ADGRV1: variants seen among roughly 807,000 people sequenced by gnomAD.
ADGRV1 encodes G-protein coupled receptor 98.
ADGRV1 carries 359 observed loss-of-function variants against 596.2 expected under a neutral mutation model. That is an observed-to-expected ratio of 0.60 (90% CI 0.55 to 0.66). The LOEUF (loss-of-function observed/expected upper bound fraction) is 0.66. ADGRV1 is among the 30% of genes least tolerant of loss of function. ADGRV1 has a pLI of 0.00. For synonymous variants in ADGRV1, 2,681 were observed against 2,679.2 expected (o/e 1.00, Z -0.02); for missense variants, 7,274 against 7,575.6 (o/e 0.96, Z 1.48).
chr5:91,150,532 C>A (rs1227159418), intron 88 of ADGRV1, among the ~76,000 whole-genome samples: 1 of 152,186 alleles, frequency 6.6e-6, no homozygotes, highest in African/African-American at 2.4e-5. Flanking sequence ...TTTGACATTT[C>A]TTTCTTCAGA....
At chr5:90,784,189 C>G in intron 67 of ADGRV1, 132 bp downstream of exon 67, 1 of 632,618 alleles carries the variant, frequency 1.6e-6, no homozygotes, top group African/African-American at 1.8e-5. Flanking sequence ...TGTATGTGTA[C>G]AGCAGCTTTT....
At chr5:90,937,621 C>A (rs932345916) in intron 83 of ADGRV1, among the ~76,000 whole-genome samples, 3 of 152,096 alleles carry the variant, frequency 2.0e-5, no homozygotes, top group African/African-American at 7.2e-5. Context: ...CCACGCCCAG[C>A]TAATTTTTTG....
At chr5:90,810,161 A>G in intron 73 of ADGRV1, 72 bp from the exon 74 acceptor site, 1 of 1,219,018 alleles carries the variant, frequency 8.2e-7, no homozygotes, top group Non-Finnish European at 1.1e-6. Flanking sequence ...AAATATGTGA[A>G]TGATGAATCT....
At chr5:91,088,594 A>G (rs983733984) in intron 86 of ADGRV1, among the ~76,000 whole-genome samples, 2 of 152,114 alleles carry the variant, frequency 1.3e-5, no homozygotes, top group African/African-American at 4.8e-5. Flanking sequence ...TTAATGTCAA[A>G]CTCATAGTAC....
intron 85 of ADGRV1, among the ~76,000 whole-genome samples, chr5:90,986,843 G>C (rs901761314): frequency 6.6e-6 from 1 of 152,104 alleles, no homozygotes; most frequent in African/African-American, 2.4e-5. Flanking sequence ...CATTCTTTGT[G>C]ATATGCAAAG....
At chr5:90,810,086 T>C in intron 73 of ADGRV1, 147 bp from the exon 74 acceptor site, 1 of 657,186 alleles carries the variant, frequency 1.5e-6, no homozygotes, top group Non-Finnish European at 2.5e-6. Context: ...TATCAATAAA[T>C]AGGGTTTGAT....
intron 1 of ADGRV1, among the ~76,000 whole-genome samples, chr5:90,586,136 T>A (rs1308239617): frequency 6.6e-6 from 1 of 152,184 alleles, no homozygotes; most frequent in African/African-American, 2.4e-5. Flanking sequence ...CTTTCCAACA[T>A]GCACAAAAGT....
intron 1 of ADGRV1, among the ~76,000 whole-genome samples, chr5:90,583,141 A>G (rs1273614743): frequency 6.6e-6 from 1 of 152,186 alleles, no homozygotes; most frequent in Non-Finnish European, 1.5e-5. Flanking sequence ...AACTTTGGAA[A>G]TTGTTCATGC....
chr5:90,997,373 CT>C (rs1581745085), intron 85 of ADGRV1, among the ~76,000 whole-genome samples: 1 of 94,158 alleles, frequency 1.1e-5, no homozygotes, highest in East Asian at 4.9e-4. Context: ...TTCCCCTTTG[CT>C]CTCTCTTTTT....
intron 29 of ADGRV1, among the ~76,000 whole-genome samples, chr5:90,687,889 G>A (rs1313787613): frequency 1.3e-5 from 2 of 152,074 alleles, no homozygotes; most frequent in African/African-American, 2.4e-5. Flanking sequence ...ACTGCTCAAC[G>A]AAATAAAAGA....
intron 15 of ADGRV1, 62 bp downstream of exon 15, chr5:90,644,931 T>A: frequency 3.6e-6 from 4 of 1,116,356 alleles, no homozygotes; most frequent in Non-Finnish European, 5.0e-6. Flanking sequence ...TATTTTTTAT[T>A]AAATAATTAA....
At chr5:90,911,592 A>C (rs6889598) in intron 83 of ADGRV1, among the ~76,000 whole-genome samples, 1 of 152,096 alleles carries the variant, frequency 6.6e-6, no homozygotes, top group Non-Finnish European at 1.5e-5. Flanking sequence ...GATATAAAAC[A>C]TATAAAGTGA....
At chr5:90,875,290 T>G (rs1769122384) in intron 83 of ADGRV1, among the ~76,000 whole-genome samples, 2 of 152,228 alleles carry the variant, frequency 1.3e-5, no homozygotes, top group Admixed American at 1.3e-4. Context: ...AATTCTTGGT[T>G]TATAATTTAG....
intron 85 of ADGRV1, among the ~76,000 whole-genome samples, chr5:91,017,383 A>G (rs975868020): frequency 2.6e-5 from 4 of 151,960 alleles, no homozygotes; most frequent in Admixed American, 6.6e-5. Flanking sequence ...TTTAAAATGT[A>G]CCAGTGGATC....
chr5:90,590,687 G>T (rs1161355294), intron 1 of ADGRV1, among the ~76,000 whole-genome samples: 2 of 152,170 alleles, frequency 1.3e-5, no homozygotes, highest in Non-Finnish European at 2.9e-5. Flanking sequence ...CATTCTCAAA[G>T]TGAGGAGCAC....
chr5:90,924,406 T>A (rs1462794224), intron 83 of ADGRV1, among the ~76,000 whole-genome samples: 1 of 152,222 alleles, frequency 6.6e-6, no homozygotes, highest in Admixed American at 6.5e-5. Flanking sequence ...TTTTCATGTG[T>A]GTTTTGGCTG....
intron 42 of ADGRV1, among the ~76,000 whole-genome samples, chr5:90,713,682 G>T (rs1053998417): frequency 2.0e-5 from 3 of 152,024 alleles, no homozygotes; most frequent in East Asian, 1.9e-4. Flanking sequence ...GTTATTCATT[G>T]TCATAAGATG....
rs138386068 is a variant in ADGRV1 at position 90,951,116 on chromosome 5, A to G, written c.17857-14299A>G. On this transcript the variant is annotated intron_variant, in intron 83 of 89. Transcript: ENST00000405460. ...GGCATTTGCTCATTTTTGCATCTAG[A>G]TGGTCCTCTCTTTCCAAGTAGGAAA... 3.4e-3 allele frequency among the ~76,000 whole-genome samples: 522 copies of G among 152,280 alleles called. 2 individuals are homozygous for G. The highest frequency in any genetic ancestry group is 0.012 in the African/African-American group (502 of 41,550).
At chr5:90,664,694 T>C (rs897685394) in intron 21 of ADGRV1, among the ~76,000 whole-genome samples, 1 of 135,378 alleles carries the variant, frequency 7.4e-6, no homozygotes, top group South Asian at 2.7e-4. Flanking sequence ...CTTGTGCCAG[T>C]TTTCAAAGGG....
Sources: allele counts gnomAD v4.1 joint callset (sites outside exome capture counted in the v4.1 genomes callset), GRCh38; gene constraint gnomAD v4.1.1; transcripts MANE v1.5; gene names NCBI Gene and HGNC (gene_info 2026-07-23, HGNC 2026-07-21).